The following TBXAS1 variants were observed in gnomAD, a reference collection of about 807,000 sequenced individuals.
The protein encoded by TBXAS1 is thromboxane A synthase 1, also known as thromboxane-A synthase.
In TBXAS1, 48 loss-of-function variants were observed where a neutral mutation model predicts 60.7. The ratio of observed to expected loss-of-function variants is 0.79; its 90% CI spans 0.63 to 1.01. The LOEUF is 1.01. TBXAS1 is among the 50% of genes least tolerant of loss of function. TBXAS1 has a pLI of 0.00. For missense variants in TBXAS1, 685 were observed against 686.3 expected (o/e 1.00, Z 0.02); for synonymous variants, 287 against 269.7 (o/e 1.06, Z -0.63).
At chr7:139,995,410 C>G (rs1396152232) in intron 9 of TBXAS1, among the ~76,000 whole-genome samples, 1 of 152,106 alleles carries the variant, frequency 6.6e-6, no homozygotes, top group African/African-American at 2.4e-5. Context: ...GTTGATGGCT[C>G]TCCGCCTTCC....
At position 140,015,820 on chromosome 7, in the gene TBXAS1, C is replaced by T; in HGVS notation, c.1324C>T (p.Pro442Ser). 6.2e-7 allele frequency: 1 copy of T among 1,613,808 alleles called. No homozygotes were observed. Among genetic ancestry groups the T allele is most frequent in the South Asian group, 1.1e-5 (1 of 91,086 alleles). Reference sequence around the variant, plus strand: ...GGCCGTGGGTGCCCTGCACCATGACCCTGAGCACTGGCCAAGCCCGGAGAC... The same window carrying T: ...GGCCGTGGGTGCCCTGCACCATGACTCTGAGCACTGGCCAAGCCCGGAGAC... ...EMAVGALHHD[P>S]EHWPSPETFN... Residue 442 changes from proline (P) to serine (S), a missense_variant, in exon 11 of 13, where the codon CCT (proline) becomes TCT (serine). Transcript: ENST00000448866.
chr7:139,871,621 T>C (rs1391119721), intron 1 of TBXAS1, among the ~76,000 whole-genome samples: 1 of 152,168 alleles, frequency 6.6e-6, no homozygotes, highest in Non-Finnish European at 1.5e-5. Context: ...GTTAAGAAAA[T>C]ATGCTTCCCA....
intron 3 of TBXAS1, among the ~76,000 whole-genome samples, chr7:139,893,805 C>T (rs1206178136): frequency 6.6e-6 from 1 of 152,192 alleles, no homozygotes; most frequent in African/African-American, 2.4e-5. Flanking sequence ...CTGCCTGTCC[C>T]CCTCTGGGGA....
intron 4 of TBXAS1, among the ~76,000 whole-genome samples, chr7:139,920,889 C>T (rs1181457607): frequency 6.6e-6 from 1 of 152,166 alleles, no homozygotes; most frequent in East Asian, 1.9e-4. Flanking sequence ...TACAGCCCGA[C>T]AAGCGTGTGC....
chr7:139,865,299 C>G (rs1801270055), intron 1 of TBXAS1, among the ~76,000 whole-genome samples: 1 of 152,160 alleles, frequency 6.6e-6, no homozygotes, highest in African/African-American at 2.4e-5. Flanking sequence ...TCAATCCTTA[C>G]AGTTTCTCTT....
At chr7:139,822,562 C>G (rs74436068) in intron 4 of TBXAS1, among the ~76,000 whole-genome samples, 270 of 152,342 alleles carry the variant, frequency 1.8e-3, no homozygotes, top group African/African-American at 6.2e-3. Flanking sequence ...AGGCCTCGTG[C>G]TCAGCGTGCA....
chr7:140,013,591 C>G lies in TBXAS1; in HGVS notation c.1227-2132C>G, dbSNP rs1814786486. ...AGGAAGCTAGAACTCTCCCAGGAAC[C>G]AGGAACGGCTCTCACTGGCAGGCCT... On this transcript the variant is annotated intron_variant, in intron 10 of 12. Coordinates refer to ENST00000448866, the MANE Select transcript of TBXAS1 (RefSeq NM_001061.7). The surrounding 1 kb of genome is among the most constrained non-coding windows in gnomAD (Gnocchi z 4.2). Among the ~76,000 whole-genome samples the G allele has an allele frequency of 6.6e-6, 1 of 152,310 alleles. No homozygotes were observed. Among genetic ancestry groups the G allele is most frequent in the South Asian group, 2.1e-4 (1 of 4,830 alleles).
At chr7:139,891,285 C>T (rs772281947) in intron 3 of TBXAS1, among the ~76,000 whole-genome samples, 32 of 151,192 alleles carry the variant, frequency 2.1e-4, no homozygotes, top group Non-Finnish European at 3.8e-4. Context: ...TCCCTAAGGC[C>T]ACTTACATAT....
intron 4 of TBXAS1, among the ~76,000 whole-genome samples, chr7:139,809,426 T>C (rs938896981): frequency 1.3e-5 from 2 of 151,772 alleles, no homozygotes; most frequent in African/African-American, 4.8e-5. Flanking sequence ...TAGATAGAGA[T>C]AGAGAGTTAT....
intron 10 of TBXAS1, among the ~76,000 whole-genome samples, chr7:140,012,368 G>A (rs1814683428): frequency 6.6e-6 from 1 of 152,186 alleles, no homozygotes; most frequent in South Asian, 2.1e-4. Context: ...AGAGGTGCAG[G>A]GAGGTGATAA....
Position 140,010,382 on chromosome 7 carries a change from A to G in TBXAS1, c.1226+3200A>G, listed in dbSNP as rs114549057. On this transcript the variant is annotated intron_variant, in intron 10 of 12. Coordinates refer to ENST00000448866, the MANE Select transcript of TBXAS1 (RefSeq NM_001061.7). ...GAAAATCAGAATCGCCCTTGTGGGAAACACAGCAGCCCTGTCTGAGCGCCA... is the reference window on the plus strand; with the variant it reads ...GAAAATCAGAATCGCCCTTGTGGGAGACACAGCAGCCCTGTCTGAGCGCCA... 4.3e-3 allele frequency among the ~76,000 whole-genome samples: 661 copies of G among 152,304 alleles called. 6 individuals carry two copies. The highest frequency in any genetic ancestry group is 0.015 in the African/African-American group (629 of 41,562).
chr7:139,873,798 G>T (rs1249914809), intron 2 of TBXAS1, among the ~76,000 whole-genome samples: 1 of 152,070 alleles, frequency 6.6e-6, no homozygotes, highest in South Asian at 2.1e-4. Context: ...GGCTTATTCT[G>T]CTAAGTCACG....
In TBXAS1 at chr7:139,823,191, C is replaced by T. The variant is rs12667534; in HGVS notation, c.-79-6121C>T. Among the ~76,000 whole-genome samples, 244 of 151,988 alleles carry T rather than the reference C, an allele frequency of 1.6e-3. 2 individuals are homozygous for T. In the East Asian group the frequency reaches 0.041, roughly 25 times the overall value. The stretch of plus-strand genomic sequence containing the variant: ...GATCTCCTGTCCTCCTGTTTGTGTC[C>T]GCTCTGTGCCCTGCATGTATTTGTG... On this transcript the variant is annotated intron_variant, in intron 4 of 16. Coordinates refer to the TBXAS1 transcript ENST00000336425.
At chr7:139,961,755 C>T (rs1210402775) in intron 8 of TBXAS1, among the ~76,000 whole-genome samples, 164 bp from the exon 9 acceptor site, 2 of 152,232 alleles carry the variant, frequency 1.3e-5, no homozygotes, top group Admixed American at 6.5e-5. Flanking sequence ...ATTCAGGTGG[C>T]TTCCAGGTTC....
At chr7:139,979,940 TC>T (rs1485542587) in intron 9 of TBXAS1, among the ~76,000 whole-genome samples, 5 of 151,932 alleles carry the variant, frequency 3.3e-5, no homozygotes, top group African/African-American at 1.2e-4. Context: ...CTTTTTTTTT[TC>T]CTCACGTAAA....
upstream of TBXAS1, among the ~76,000 whole-genome samples, chr7:139,827,435 T>A (rs375248221): frequency 5.9e-5 from 9 of 152,388 alleles, no homozygotes; most frequent in South Asian, 8.3e-4. Flanking sequence ...ATCTTTTAAG[T>A]GCAGCATTTA....
exon 4 of TBXAS1, chr7:139,787,361 C>G (rs1797232180): frequency 6.6e-6 from 1 of 152,140 alleles, no homozygotes; most frequent in African/African-American, 2.4e-5. Flanking sequence ...CCTGGACTGC[C>G]TGGCTGATGT....
chr7:139,890,450 C>T (rs915561559), intron 3 of TBXAS1, among the ~76,000 whole-genome samples: 2 of 152,004 alleles, frequency 1.3e-5, no homozygotes, highest in Non-Finnish European at 2.9e-5. Flanking sequence ...CTCCTGACCT[C>T]GTGATCCACC....
Position 139,778,991 on chromosome 7 carries a change from A to G in TBXAS1, c.-318+520A>G, listed in dbSNP as rs1352589872. ...GGAAGGCAACCAGCTTTCAAAAAGAACGAAATGGAATCCAATAGAAAATAT... is the reference window on the plus strand; with the variant it reads ...GGAAGGCAACCAGCTTTCAAAAAGAGCGAAATGGAATCCAATAGAAAATAT... On this transcript the variant is annotated intron_variant, in intron 1 of 16. Coordinates refer to the TBXAS1 transcript ENST00000336425. The surrounding 1 kb of genome is among the most constrained non-coding windows in gnomAD (Gnocchi z 4.8). 6.6e-6 allele frequency among the ~76,000 whole-genome samples: 1 copy of G among 152,220 alleles called. No individual in the cohort carries two copies. Among genetic ancestry groups the G allele is most frequent in the Non-Finnish European group, 1.5e-5 (1 of 68,032 alleles).
Sources: allele counts gnomAD v4.1 joint callset (sites outside exome capture counted in the v4.1 genomes callset), GRCh38; gene constraint gnomAD v4.1.1; non-coding constraint Gnocchi (gnomAD v3.1); transcripts MANE v1.5; gene names NCBI Gene and HGNC (gene_info 2026-07-23, HGNC 2026-07-21).